The following EPHA6 variants were observed in gnomAD, a reference collection of about 807,000 sequenced individuals.
EPHA6 encodes the protein ephrin type-A receptor 6.
A neutral mutation model predicts 112.0 loss-of-function variants in EPHA6; 50 were observed. The ratio of observed to expected loss-of-function variants is 0.45; its 90% CI spans 0.36 to 0.56. The LOEUF (loss-of-function observed/expected upper bound fraction) is 0.56. Among genes scored for constraint, EPHA6 ranks in the 20% least tolerant of loss-of-function variants. The probability of loss-of-function intolerance (pLI) is 0.00; values close to 1 mark genes in which losing one functional copy is unlikely to be tolerated. For synonymous variants in EPHA6, 529 were observed against 490.7 expected (o/e 1.08, Z -1.03); for missense variants, 1,280 against 1,417.4 (o/e 0.90, Z 1.56).
chr3:97,492,945 C>T (rs1262182381), intron 10 of EPHA6, among the ~76,000 whole-genome samples: 2 of 147,918 alleles, frequency 1.4e-5, no homozygotes, highest in Non-Finnish European at 3.0e-5. Flanking sequence ...TTTATTATAT[C>T]TAATTTCTCT....
intron 3 of EPHA6, among the ~76,000 whole-genome samples, chr3:97,094,040 C>G (rs557377411): frequency 1.1e-4 from 17 of 152,224 alleles, no homozygotes; most frequent in African/African-American, 4.1e-4. Flanking sequence ...ATCCTCCATG[C>G]TGCTGACCCT....
At chr3:97,329,649 C>A (rs1164188357) in intron 5 of EPHA6, among the ~76,000 whole-genome samples, 1 of 152,160 alleles carries the variant, frequency 6.6e-6, no homozygotes, top group Non-Finnish European at 1.5e-5. Flanking sequence ...CCTTCACCCA[C>A]TTTTTGATGG....
At chr3:97,020,016 G>A (rs2044397977) in intron 3 of EPHA6, among the ~76,000 whole-genome samples, 1 of 152,080 alleles carries the variant, frequency 6.6e-6, no homozygotes, top group Admixed American at 6.6e-5. Flanking sequence ...TTTGGCCTTA[G>A]CAATAAGGTT....
At chr3:97,531,337 C>T (rs1175221231) in intron 10 of EPHA6, among the ~76,000 whole-genome samples, 2 of 151,934 alleles carry the variant, frequency 1.3e-5, no homozygotes, top group Non-Finnish European at 2.9e-5. Flanking sequence ...AACCCATTAC[C>T]TTTTATCCAC....
At chr3:97,490,878 C>T (rs760265014) in intron 10 of EPHA6, among the ~76,000 whole-genome samples, 1 of 152,150 alleles carries the variant, frequency 6.6e-6, no homozygotes, top group South Asian at 2.1e-4. Flanking sequence ...TGAAGGTCAG[C>T]TGGGCAAGGA....
chr3:96,896,536 G>A (rs934693586), intron 2 of EPHA6, among the ~76,000 whole-genome samples: 1 of 152,118 alleles, frequency 6.6e-6, no homozygotes, highest in Non-Finnish European at 1.5e-5. Context: ...TTGCCCTGCC[G>A]TAAGAGTTAA....
chr3:97,539,149 C>A (rs1310787937), intron 11 of EPHA6, among the ~76,000 whole-genome samples: 1 of 120,530 alleles, frequency 8.3e-6, no homozygotes, highest in Non-Finnish European at 1.8e-5. Context: ...TTTCTTTCTT[C>A]TTTCTTTTTT....
At chr3:97,630,333 T>A (rs1430014265) in intron 13 of EPHA6, among the ~76,000 whole-genome samples, 1 of 152,020 alleles carries the variant, frequency 6.6e-6, no homozygotes, top group Admixed American at 6.6e-5. Context: ...CCACAAGAAC[T>A]CAGACAATTT....
chr3:96,993,338 C>G (rs2043285062), intron 3 of EPHA6, among the ~76,000 whole-genome samples: 1 of 151,350 alleles, frequency 6.6e-6, no homozygotes, highest in Non-Finnish European at 1.5e-5. Context: ...CTCTCTGTCA[C>G]CAGGCTAGAG....
intron 5 of EPHA6, among the ~76,000 whole-genome samples, chr3:97,357,428 CT>C (rs2084141791): frequency 6.6e-6 from 1 of 152,112 alleles, no homozygotes; most frequent in Admixed American, 6.6e-5. Context: ...TCTTGAACCC[CT>C]GACCTCAGGT....
chr3:97,457,873 T>C (rs977506946), intron 7 of EPHA6, among the ~76,000 whole-genome samples: 8 of 151,626 alleles, frequency 5.3e-5, no homozygotes, highest in African/African-American at 1.9e-4. Flanking sequence ...GAGACCATCC[T>C]GGCTAACATG....
At position 97,495,596 on chromosome 3, in the gene EPHA6, C is replaced by T. The variant is rs572043762; in HGVS notation, c.2200+11537C>T. On this transcript the variant is annotated intron_variant, in intron 10 of 17. Coordinates refer to ENST00000389672, the MANE Select transcript of EPHA6 (RefSeq NM_001080448.3). ...CTGTAAGTAAAATTTCTCAACCTGT[C>T]CATGTCTTTTTCCATCTCAATTACA... Among the ~76,000 whole-genome samples the T allele has an allele frequency of 4.0e-4, 61 of 152,128 alleles. 1 individual carries two copies. The South Asian group carries it at 0.012, about 30-fold the overall frequency.
intron 3 of EPHA6, among the ~76,000 whole-genome samples, chr3:97,202,884 A>G (rs1420779753): frequency 6.6e-6 from 1 of 152,158 alleles, no homozygotes; most frequent in Non-Finnish European, 1.5e-5. Context: ...TGCTGAATAT[A>G]GGAACATGTG....
At chr3:97,570,346 C>A (rs1456441543) in intron 11 of EPHA6, among the ~76,000 whole-genome samples, 6 of 152,124 alleles carry the variant, frequency 3.9e-5, no homozygotes, top group African/African-American at 1.2e-4. Context: ...AGTCTAAGGG[C>A]AGAGGCATTC....
At chr3:97,247,438 G>A (rs2096445521) in intron 5 of EPHA6, among the ~76,000 whole-genome samples, 1 of 151,814 alleles carries the variant, frequency 6.6e-6, no homozygotes, top group African/African-American at 2.4e-5. Flanking sequence ...GAAGCCTAGG[G>A]TGCTCTGAAA....
intron 2 of EPHA6, among the ~76,000 whole-genome samples, chr3:96,934,044 A>G (rs2040462482): frequency 1.3e-5 from 2 of 152,012 alleles, no homozygotes; most frequent in Non-Finnish European, 2.9e-5. Flanking sequence ...AACCAAAATA[A>G]TTGGTTCATA....
intron 3 of EPHA6, among the ~76,000 whole-genome samples, chr3:97,043,207 G>A (rs2045379178): frequency 1.3e-5 from 2 of 152,046 alleles, no homozygotes; most frequent in Admixed American, 6.6e-5. Flanking sequence ...AGGAAAGACA[G>A]CTAAGGCCTC....
intron 1 of EPHA6, among the ~76,000 whole-genome samples, chr3:96,855,853 A>G (rs1399821125): frequency 6.6e-6 from 1 of 152,156 alleles, no homozygotes; most frequent in Non-Finnish European, 1.5e-5. Flanking sequence ...CAATGGTTGT[A>G]AGTCTATACA....
chr3:97,171,017 C>G (rs2076685016), intron 3 of EPHA6, among the ~76,000 whole-genome samples: 1 of 151,988 alleles, frequency 6.6e-6, no homozygotes, highest in South Asian at 2.1e-4. Context: ...GTAACTTGAA[C>G]CACTATAAAT....
Sources: gnomAD v4.1 joint callset for allele counts (sites outside exome capture counted in the v4.1 genomes callset) on GRCh38, gnomAD v4.1.1 for gene constraint, MANE v1.5 for transcripts, NCBI Gene and HGNC (gene_info 2026-07-23, HGNC 2026-07-21) for gene names.